Variants in NKAIN3 observed in about 807,000 individuals in gnomAD.
NKAIN3 encodes the protein sodium/potassium-transporting ATPase subunit beta-1-interacting protein 3.
In NKAIN3, 25 loss-of-function variants were observed where a neutral mutation model predicts 30.2. The ratio of observed to expected loss-of-function variants is 0.83; its 90% confidence interval spans 0.60 to 1.16. NKAIN3 has a LOEUF of 1.16. Among genes scored for constraint, NKAIN3 ranks in the 50% most tolerant of loss-of-function variants. The pLI is 0.00. For missense variants in NKAIN3, 225 were observed against 254.1 expected (o/e 0.89, Z 0.78); for synonymous variants, 91 against 89.6 (o/e 1.02, Z -0.09).
chr8:62,648,521 G>A (rs1221645732), intron 3 of NKAIN3, among the ~76,000 whole-genome samples: 2 of 152,122 alleles, frequency 1.3e-5, no homozygotes, highest in East Asian at 3.9e-4. Context: ...TAGAAAAATA[G>A]AAGTGAGGTA....
rs1824020849 is a variant in NKAIN3 at position 62,979,230 on chromosome 8, A to G, written c.*13823A>G. 1 of 152,234 alleles carries G rather than the reference A, an allele frequency of 6.6e-6. No homozygotes were observed. Among genetic ancestry groups the G allele is most frequent in the African/African-American group, 2.4e-5 (1 of 41,524 alleles). 9.4% of individuals were successfully genotyped at this position (152,234 alleles called of 1,614,324 possible). The stretch of plus-strand genomic sequence containing the variant: ...TAGGCTGGGTGTGTGTGTGTGAAAG[A>G]GAGAGAGAAACAGAAACAGAGACAA... On this transcript the variant is annotated 3_prime_UTR_variant, in exon 7 of 7. Coordinates refer to ENST00000623646, the MANE Select transcript of NKAIN3 (RefSeq NM_001304533.3).
chr8:62,470,594 C>A (rs1806298114), intron 1 of NKAIN3, among the ~76,000 whole-genome samples: 1 of 152,052 alleles, frequency 6.6e-6, no homozygotes, highest in Non-Finnish European at 1.5e-5. Context: ...TTGCAGAATT[C>A]TCCTGCATTG....
intron 3 of NKAIN3, among the ~76,000 whole-genome samples, chr8:62,644,586 G>A (rs895025376): frequency 7.2e-5 from 11 of 152,062 alleles, no homozygotes; most frequent in Non-Finnish European, 1.5e-4. Flanking sequence ...TAAAGGTTAG[G>A]TGAATCAGAT....
intron 1 of NKAIN3, among the ~76,000 whole-genome samples, chr8:62,489,594 C>T (rs570472036): frequency 2.6e-4 from 40 of 152,224 alleles, no homozygotes; most frequent in African/African-American, 9.6e-4. Context: ...TAAGGAGTAA[C>T]ATTTTTAAAT....
chr8:62,290,309 C>G (rs1282387042), intron 1 of NKAIN3, among the ~76,000 whole-genome samples: 2 of 152,142 alleles, frequency 1.3e-5, no homozygotes, highest in Non-Finnish European at 2.9e-5. Context: ...GAGGGCATCC[C>G]TGTCTTGTGC....
At chr8:62,618,025 G>A (rs1362972314) in intron 3 of NKAIN3, among the ~76,000 whole-genome samples, 2 of 152,158 alleles carry the variant, frequency 1.3e-5, no homozygotes, top group Non-Finnish European at 2.9e-5. Context: ...CTTTCGTCTG[G>A]AATTATTCGA....
At chr8:62,612,327 T>C (rs1031305566) in intron 3 of NKAIN3, among the ~76,000 whole-genome samples, 2 of 152,022 alleles carry the variant, frequency 1.3e-5, no homozygotes, top group African/African-American at 4.8e-5. Flanking sequence ...AAAATTGTTA[T>C]ATCCTCTTAC....
At position 62,974,736 on chromosome 8, in the gene NKAIN3, C is replaced by T. The variant is rs545381919; in HGVS notation, c.*9329C>T. On this transcript the variant is annotated 3_prime_UTR_variant, in exon 7 of 7. Transcript: ENST00000623646. ...GGTGAGACAAGCCACCCTTGTCTTG[C>T]GCCAGTTTTCAAAGGGAGTGCTTCC... is the stretch of plus-strand genomic sequence containing the variant. Among the ~76,000 whole-genome samples, 100 of 152,204 alleles carry T rather than the reference C, an allele frequency of 6.6e-4. No homozygotes were observed. Among genetic ancestry groups the T allele is most frequent in the South Asian group, 2.1e-3 (10 of 4,824 alleles).
chr8:62,778,130 A>G (rs1486350651), intron 4 of NKAIN3, among the ~76,000 whole-genome samples: 1 of 152,098 alleles, frequency 6.6e-6, no homozygotes, highest in Non-Finnish European at 1.5e-5. Context: ...ATTACCACGG[A>G]GACTGTGCTG....
intron 6 of NKAIN3, among the ~76,000 whole-genome samples, chr8:62,959,897 G>A (rs1823522882): frequency 6.6e-6 from 1 of 152,198 alleles, no homozygotes; most frequent in Non-Finnish European, 1.5e-5. Context: ...TGTCCCGAAG[G>A]AGAGATGGGC....
intron 1 of NKAIN3, among the ~76,000 whole-genome samples, chr8:62,440,454 A>T (rs2129598165): frequency 6.6e-6 from 1 of 152,266 alleles, no homozygotes; most frequent in Non-Finnish European, 1.5e-5. Flanking sequence ...CCTCAGTCTT[A>T]GAAAATAAAA....
At chr8:62,942,868 A>G (rs1389730673) in intron 5 of NKAIN3, among the ~76,000 whole-genome samples, 1 of 152,136 alleles carries the variant, frequency 6.6e-6, no homozygotes, top group Non-Finnish European at 1.5e-5. Context: ...TTCGCCTTAT[A>G]TGTATAAAAA....
chr8:62,541,096 G>A (rs973775166), intron 1 of NKAIN3, among the ~76,000 whole-genome samples: 1 of 152,036 alleles, frequency 6.6e-6, no homozygotes, highest in South Asian at 2.1e-4. Flanking sequence ...GATCACTTGA[G>A]GTCAGGAGTT....
intron 1 of NKAIN3, among the ~76,000 whole-genome samples, chr8:62,415,446 T>G (rs1415178764): frequency 6.7e-6 from 1 of 150,024 alleles, no homozygotes; most frequent in East Asian, 1.9e-4. Flanking sequence ...ATTGTCTACA[T>G]AGTTGTCAAG....
chr8:62,379,747 AG>A lies in NKAIN3; in HGVS notation c.54+130621del, dbSNP rs561304270. ...AACCTGTTTTCTTTGTAAATTACCC[AG>A]TCTCTGGTATTTCTTCATAGCAGCA... On this transcript the variant is annotated intron_variant, in intron 1 of 6. Transcript: ENST00000623646. Among the ~76,000 whole-genome samples the A allele has an allele frequency of 4.0e-4, 61 of 152,302 alleles. No homozygotes were observed. In the East Asian group the frequency reaches 0.011, roughly 28 times the overall value.
chr8:62,802,417 T>A (rs1338537709), intron 4 of NKAIN3, among the ~76,000 whole-genome samples: 1 of 152,184 alleles, frequency 6.6e-6, no homozygotes, highest in African/African-American at 2.4e-5. Flanking sequence ...TAACAGTGGA[T>A]CTCTTGGCAG....
At chr8:62,523,412 T>C (rs1808214557) in intron 1 of NKAIN3, among the ~76,000 whole-genome samples, 1 of 152,166 alleles carries the variant, frequency 6.6e-6, no homozygotes, top group African/African-American at 2.4e-5. Context: ...CCTTGGGCCA[T>C]AATAACACAG....
chr8:62,815,089 T>C (rs1321181367), intron 4 of NKAIN3, among the ~76,000 whole-genome samples: 5 of 152,046 alleles, frequency 3.3e-5, no homozygotes, highest in African/African-American at 1.2e-4. Flanking sequence ...ATACTATAAA[T>C]ACCTCTACAC....
At chr8:62,701,259 T>C (rs1814321803) in intron 3 of NKAIN3, among the ~76,000 whole-genome samples, 1 of 152,022 alleles carries the variant, frequency 6.6e-6, no homozygotes, top group African/African-American at 2.4e-5. Flanking sequence ...ACCAGTGGAG[T>C]CTCAGTTTGG....
Sources: allele counts gnomAD v4.1 joint callset (sites outside exome capture counted in the v4.1 genomes callset), GRCh38; gene constraint gnomAD v4.1.1; transcripts MANE v1.5; gene names NCBI Gene and HGNC (gene_info 2026-07-23, HGNC 2026-07-21).